Variants in ANKRD1 observed in about 807,000 individuals in gnomAD.
The protein encoded by ANKRD1 is ankyrin repeat domain-containing protein 1.
Under a neutral mutation model 40.1 loss-of-function variants are expected in ANKRD1, and 32 were observed. That is an observed-to-expected ratio of 0.80 (90% CI 0.60 to 1.07). The LOEUF (loss-of-function observed/expected upper bound fraction) is 1.07. Among genes scored for constraint, ANKRD1 ranks in the 50% least tolerant of loss-of-function variants. The pLI is 0.00. For missense variants in ANKRD1, 359 were observed against 386.0 expected, an observed-to-expected ratio of 0.93 and a Z score of 0.59; for synonymous variants, 149 against 141.2, an observed-to-expected ratio of 1.06 and a Z score of -0.39.
Position 90,920,982 on chromosome 10 carries a change from A to G in ANKRD1, c.27+19T>C, listed in dbSNP as rs1357453784. 2.5e-6 allele frequency: 4 copies of G among 1,611,750 alleles called. No homozygotes were observed. The East Asian group carries it at 8.9e-5, about 36-fold the overall frequency. The stretch of plus-strand genomic sequence containing the variant: ...GATGAACCAGTTTTCATTTTATAAA[A>G]TTAATGCATCTTACATACCAGTTCC... On this transcript the variant is annotated intron_variant, in intron 1 of 8. Coordinates refer to ENST00000371697, the MANE Select transcript of ANKRD1 (RefSeq NM_014391.3).
Position 90,912,904 on chromosome 10 carries a change from C to G in ANKRD1, c.922G>C (p.Glu308Gln). The change falls in exon 9 of 9, where the codon GAG becomes CAG. Residue 308 changes from glutamate (E) to glutamine (Q), a missense_variant. Coordinates refer to ENST00000371697, the MANE Select transcript of ANKRD1 (RefSeq NM_014391.3). ...ATGCGAGAGGTCTTGTAGGAGTTCT[C>G]TCTGAGGCTGTCGAATATTGCTTTG... Reference protein sequence around the residue: ...GTKAIFDSLRENSYKTSRIAT... With the variant: ...GTKAIFDSLRQNSYKTSRIAT... The G allele has an allele frequency of 6.2e-7, 1 of 1,614,072 alleles. No homozygotes were observed. The highest frequency in any genetic ancestry group is 1.1e-5 in the South Asian group (1 of 91,074).
Position 90,921,035 on chromosome 10 carries a change from G to A in ANKRD1, c.-8C>T, listed in dbSNP as rs1165135258. 1.2e-6 allele frequency: 2 copies of A among 1,613,928 alleles called. No individual in the cohort carries two copies. The highest frequency in any genetic ancestry group is 8.5e-7 in the Non-Finnish European group (1 of 1,179,832). The stretch of plus-strand genomic sequence containing the variant: ...TACTTTCAGTACCATCATGTTGGCT[G>A]AAGGAGTCTTGTATGTTTTTCTGTC... On this transcript the variant is annotated 5_prime_UTR_variant, in exon 1 of 9. Coordinates refer to ENST00000371697, the MANE Select transcript of ANKRD1 (RefSeq NM_014391.3).
chr10:90,917,040 A>G (rs191374810), intron 5 of ANKRD1, among the ~76,000 whole-genome samples: 1 of 151,846 alleles, frequency 6.6e-6, no homozygotes, highest in East Asian at 1.9e-4. Context: ...TGCAAACTTC[A>G]TATTTTGTTT....
chr10:90,915,716 G>A, intron 7 of ANKRD1, 66 bp downstream of exon 7: 2 of 1,609,572 alleles, frequency 1.2e-6, no homozygotes, highest in Non-Finnish European at 8.5e-7. Context: ...ACCCAGGCTT[G>A]GGGGAGTGAT....
chr10:90,918,961 C>T lies in ANKRD1; in HGVS notation c.357G>A (p.Val119=). The change falls in exon 4 of 9, where the codon GTG becomes GTA. Residue 119 remains valine, a synonymous_variant. Transcript: ENST00000371697. ...EPEPEIITEP[V]DVPTFLKAAL... is the part of the protein sequence containing the mutation. Reference sequence around the variant, plus strand: ...CAGCCTTCAGAAACGTAGGCACATCCACAGGTTCCGTCTAAAGCCAAAATA... The same window carrying T: ...CAGCCTTCAGAAACGTAGGCACATCTACAGGTTCCGTCTAAAGCCAAAATA... 1 of 1,599,046 alleles carries T rather than the reference C, an allele frequency of 6.3e-7. No homozygotes were observed. The highest frequency in any genetic ancestry group is 8.5e-7 in the Non-Finnish European group (1 of 1,175,936).
intron 2 of ANKRD1, 88 bp from the exon 3 acceptor site, chr10:90,919,356 G>A (rs1301734038): frequency 6.7e-6 from 8 of 1,197,428 alleles, no homozygotes; most frequent in African/African-American, 4.7e-5. Context: ...CAAGGTCTGA[G>A]ATAAACATGT....
chr10:90,915,762 G>C lies in ANKRD1; in HGVS notation c.750+20C>G, dbSNP rs774860989. ...AAAGCAATGAAGCTTTGGGAAACCC[G>C]AGCGTGTCCAGCTACTCACTCTGTC... On this transcript the variant is annotated intron_variant, in intron 7 of 8. Coordinates refer to ENST00000371697, the MANE Select transcript of ANKRD1 (RefSeq NM_014391.3). The C allele has an allele frequency of 1.2e-6, 2 of 1,613,488 alleles. No homozygotes were observed. Among genetic ancestry groups the C allele is most frequent in the Non-Finnish European group, 8.5e-7 (1 of 1,179,710 alleles).
At chr10:90,916,104 A>T in intron 6 of ANKRD1, 67 bp downstream of exon 6, 1 of 718,052 alleles carries the variant, frequency 1.4e-6, no homozygotes, top group South Asian at 1.4e-5. Context: ...GAGTGGGAGA[A>T]GTGGAGAAGG....
Position 90,921,010 on chromosome 10 carries a change from T to C in ANKRD1, c.18A>G (p.Val6=), listed in dbSNP as rs1374055997. The part of the protein sequence containing the change: MMVLK[V]EELVTGKKNG... ...AATGCATCTTACATACCAGTTCCTC[T>C]ACTTTCAGTACCATCATGTTGGCTG... Residue 6 remains valine, a synonymous_variant, in exon 1 of 9, where the codon GTA becomes GTG. Transcript: ENST00000371697. The C allele has an allele frequency of 6.2e-7, 1 of 1,613,872 alleles. No homozygotes were observed. The highest frequency in any genetic ancestry group is 1.1e-5 in the South Asian group (1 of 91,092).
chr10:90,918,941 T>C lies in ANKRD1; in HGVS notation c.377A>G (p.Lys126Arg). Residue 126 changes from lysine (K) to arginine (R), a missense_variant, in exon 4 of 9, where the codon AAG becomes AGG. Physicochemically the swap from Lys to Arg is conservative, Grantham distance 26 (BLOSUM62 2). Transcript: ENST00000371697. The part of the protein sequence containing the change: ...TEPVDVPTFL[K>R]AALENKLPVV... ...TGGCAGTTTATTCTCCAGAGCAGCCTTCAGAAACGTAGGCACATCCACAGG... is the reference window on the plus strand; with the variant it reads ...TGGCAGTTTATTCTCCAGAGCAGCCCTCAGAAACGTAGGCACATCCACAGG... 6.2e-7 allele frequency: 1 copy of C among 1,609,276 alleles called. No individual in the cohort carries two copies. The highest frequency in any genetic ancestry group is 1.1e-5 in the South Asian group (1 of 90,940).
At chr10:90,920,055 T>C in intron 2 of ANKRD1, 114 bp downstream of exon 2, 1 of 1,445,372 alleles carries the variant, frequency 6.9e-7, no homozygotes, top group Non-Finnish European at 9.7e-7. Flanking sequence ...GGTTAGAATC[T>C]GGTAAAGAGA....
In ANKRD1 at chr10:90,915,567, G is replaced by T. The variant is rs2120264491; in HGVS notation, c.825C>A (p.Gly275=). 5 of 1,613,888 alleles carry T rather than the reference G, an allele frequency of 3.1e-6. No homozygotes were observed. The highest frequency in any genetic ancestry group is 4.2e-6 in the Non-Finnish European group (5 of 1,179,920). Residue 275 remains glycine (G), a synonymous_variant, in exon 8 of 9, where the codon GGC becomes GGA. Transcript: ENST00000371697. ...YKMIRLLIMY[G]ADLNIKNCAG... ...CACAGTTCTTGATGTTGAGATCCGCGCCATACATAATCAGGAGTCGGATCA... is the reference window on the plus strand; with the variant it reads ...CACAGTTCTTGATGTTGAGATCCGCTCCATACATAATCAGGAGTCGGATCA...
At chr10:90,920,919 G>T in intron 1 of ANKRD1, 82 bp downstream of exon 1, 1 of 1,379,534 alleles carries the variant, frequency 7.2e-7, no homozygotes, top group South Asian at 1.2e-5. Context: ...CATTACACCT[G>T]AAAGCAAAGG....
chr10:90,916,482 A>G (rs1257908927), intron 5 of ANKRD1, among the ~76,000 whole-genome samples: 2 of 152,150 alleles, frequency 1.3e-5, no homozygotes, highest in Non-Finnish European at 2.9e-5. Flanking sequence ...GGCTCTTAAT[A>G]AATCTAATAA....
At position 90,916,171 on chromosome 10, in the gene ANKRD1, C is replaced by T; in HGVS notation, c.651G>A (p.Lys217=). 2 of 1,611,148 alleles carry T rather than the reference C, an allele frequency of 1.2e-6. No homozygotes were observed. Among genetic ancestry groups the T allele is most frequent in the South Asian group, 2.2e-5 (2 of 90,954 alleles). Residue 217 remains lysine, a splice_region_variant and synonymous_variant, in exon 6 of 9, where the codon AAG becomes AAA. Coordinates refer to ENST00000371697, the MANE Select transcript of ANKRD1 (RefSeq NM_014391.3). ...AAGGGAGAAGGAGAAGAAGGAATAC[C>T]TTATCTCGGGCGCTAATTTTTGCTC... The part of the protein sequence containing the change: ...NKGAKISARD[K]LLSTALHVAV...
At chr10:90,914,165 T>C (rs1847344716) in intron 8 of ANKRD1, among the ~76,000 whole-genome samples, 1 of 152,186 alleles carries the variant, frequency 6.6e-6, no homozygotes, top group African/African-American at 2.4e-5. Flanking sequence ...TATTGTATGC[T>C]GCTCCCAATC....
rs1416570961 is a variant in ANKRD1 at position 90,916,176 on chromosome 10, C to G, written c.646G>C (p.Asp216His). Residue 216 changes from aspartate to histidine, a missense_variant, in exon 6 of 9, where the codon GAT (aspartate) becomes CAT (histidine). Coordinates refer to ENST00000371697, the MANE Select transcript of ANKRD1 (RefSeq NM_014391.3). ...LNKGAKISAR[D>H]KLLSTALHVA... ...AGAAGGAGAAGAAGGAATACCTTATCTCGGGCGCTAATTTTTGCTCCTTTA... is the reference window on the plus strand; with the variant it reads ...AGAAGGAGAAGAAGGAATACCTTATGTCGGGCGCTAATTTTTGCTCCTTTA... 1 of 1,612,562 alleles carries G rather than the reference C, an allele frequency of 6.2e-7. No individual in the cohort carries two copies. Among genetic ancestry groups the G allele is most frequent in the South Asian group, 1.1e-5 (1 of 91,016 alleles).
At chr10:90,917,600 A>G (rs1272369417) in intron 5 of ANKRD1, 132 bp downstream of exon 5, 3 of 736,780 alleles carry the variant, frequency 4.1e-6, no homozygotes, top group East Asian at 5.4e-5. Flanking sequence ...CTTTATTTGG[A>G]GAAATGAGCT....
At chr10:90,913,299 A>G (rs1434449580) in intron 8 of ANKRD1, among the ~76,000 whole-genome samples, 2 of 152,224 alleles carry the variant, frequency 1.3e-5, no homozygotes, top group Non-Finnish European at 2.9e-5. Flanking sequence ...ATCTTCCAGT[A>G]TCCTGTGGAA....
Sources: gnomAD v4.1 joint callset for allele counts (sites outside exome capture counted in the v4.1 genomes callset) on GRCh38, gnomAD v4.1.1 for gene constraint, MANE v1.5 for transcripts, NCBI Gene and HGNC (gene_info 2026-07-23, HGNC 2026-07-21) for gene names.